AVEN: variants seen among roughly 807,000 people sequenced by gnomAD.
AVEN encodes the protein cell death regulator Aven.
AVEN carries 41 observed loss-of-function variants against 38.1 expected under a neutral mutation model. The ratio of observed to expected loss-of-function variants is 1.08; its 90% CI spans 0.84 to 1.40. The LOEUF is 1.40. Among genes scored for constraint, AVEN ranks in the 40% most tolerant of loss-of-function variants. The pLI, the probability that AVEN is intolerant of heterozygous loss-of-function variation, is 0.00. For missense variants in AVEN, 605 were observed against 438.8 expected (o/e 1.38, Z -3.38); for synonymous variants, 206 against 171.8 (o/e 1.20, Z -1.56).
At chr15:34,064,576 C>T in intron 4 of AVEN, 1 of 484,180 alleles carries the variant, frequency 2.1e-6, no homozygotes, top group South Asian at 3.0e-5. Flanking sequence ...GGGATAGGCT[C>T]ATGGCCCTTC....
chr15:34,017,771 A>G (rs1898005608), intron 1 of AVEN, among the ~76,000 whole-genome samples: 1 of 152,088 alleles, frequency 6.6e-6, no homozygotes, highest in Non-Finnish European at 1.5e-5. Context: ...TGAGCCACTG[A>G]GCCTGGCCAG....
intron 2 of AVEN, among the ~76,000 whole-genome samples, chr15:33,890,470 G>A (rs1597197998): frequency 6.6e-6 from 1 of 152,148 alleles, no homozygotes; most frequent in Non-Finnish European, 1.5e-5. Context: ...ATGAACATCA[G>A]TAGTCTATGT....
At chr15:33,968,099 T>TAAAAAAAAAAAAA (rs71119906) in intron 2 of AVEN, among the ~76,000 whole-genome samples, 2 of 25,850 alleles carry the variant, frequency 7.7e-5, no homozygotes, top group African/African-American at 2.1e-4. Flanking sequence ...TAGCAAAGCT[T>TAAAAAAAAAAAAA]AAAAAAAAAA....
At chr15:33,946,164 C>T (rs1398342776) in intron 2 of AVEN, among the ~76,000 whole-genome samples, 1 of 152,060 alleles carries the variant, frequency 6.6e-6, no homozygotes, top group Non-Finnish European at 1.5e-5. Context: ...CTCCCAAATA[C>T]TCAAATAAGT....
intron 5 of AVEN, among the ~76,000 whole-genome samples, chr15:34,045,701 TA>T (rs879353266): frequency 2.6e-3 from 352 of 137,910 alleles, no homozygotes; most frequent in African/African-American, 6.5e-3. Context: ...AAGCTTCTCA[TA>T]AAAAAAAAAA....
chr15:34,044,083 C>T (rs1349800886), upstream of AVEN, among the ~76,000 whole-genome samples: 1 of 150,054 alleles, frequency 6.7e-6, no homozygotes, highest in East Asian at 2.0e-4. Context: ...TATTTTCGCC[C>T]TTTAAAAAAA....
intron 2 of AVEN, among the ~76,000 whole-genome samples, chr15:33,978,006 AAGGG>A (rs139136537): frequency 0.017 from 2,335 of 137,302 alleles, 60 homozygotes; most frequent in African/African-American, 0.058. Flanking sequence ...GGAAGAGAGG[AAGGG>A]AGGGAGGGAG....
At chr15:33,958,537 G>A (rs1159098664) in intron 2 of AVEN, among the ~76,000 whole-genome samples, 1 of 149,498 alleles carries the variant, frequency 6.7e-6, no homozygotes, top group Non-Finnish European at 1.5e-5. Context: ...GTTACAGTGA[G>A]CCCAGATCAT....
chr15:33,989,116 GAAGTT>G (rs1896607373), intron 2 of AVEN, among the ~76,000 whole-genome samples: 1 of 151,684 alleles, frequency 6.6e-6, no homozygotes, highest in African/African-American at 2.4e-5. Flanking sequence ...TATAGTTGCA[GAAGTT>G]AAAATAGTTC....
At chr15:33,933,554 G>C (rs1381251307) in intron 2 of AVEN, among the ~76,000 whole-genome samples, 18 of 148,100 alleles carry the variant, frequency 1.2e-4, no homozygotes, top group African/African-American at 3.7e-4. Flanking sequence ...GAGAGAGAGA[G>C]AGAGAGAGAG....
chr15:33,883,119 G>C (rs1891560003), intron 2 of AVEN, among the ~76,000 whole-genome samples: 1 of 152,198 alleles, frequency 6.6e-6, no homozygotes. Context: ...GACAAGCGTA[G>C]TTGCTGAGGA....
intron 1 of AVEN, among the ~76,000 whole-genome samples, chr15:34,026,602 A>G (rs1319760246): frequency 6.6e-6 from 1 of 152,162 alleles, no homozygotes; most frequent in Non-Finnish European, 1.5e-5. Flanking sequence ...AAATTTTCCA[A>G]GGAATGATGA....
At chr15:33,989,804 C>T (rs1195115933) in intron 2 of AVEN, among the ~76,000 whole-genome samples, 7 of 151,594 alleles carry the variant, frequency 4.6e-5, no homozygotes, top group Non-Finnish European at 8.8e-5. Context: ...CAAAACCCAC[C>T]TAAAATTATC....
At chr15:33,904,472 T>C (rs1892604692) in intron 2 of AVEN, among the ~76,000 whole-genome samples, 1 of 152,056 alleles carries the variant, frequency 6.6e-6, no homozygotes, top group African/African-American at 2.4e-5. Context: ...AGTGCAGTGG[T>C]ATGATCTCAG....
chr15:33,868,528 G>A (rs1412752313), intron 4 of AVEN, among the ~76,000 whole-genome samples: 1 of 106,456 alleles, frequency 9.4e-6, no homozygotes, highest in Non-Finnish European at 1.7e-5. Flanking sequence ...CTGGGCAACA[G>A]AATGAGACTC....
intron 2 of AVEN, among the ~76,000 whole-genome samples, chr15:33,980,352 C>T (rs1032166568): frequency 6.6e-6 from 1 of 152,158 alleles, no homozygotes; most frequent in Non-Finnish European, 1.5e-5. Flanking sequence ...GACAAGACCT[C>T]AGTGCAACAG....
At chr15:33,960,880 C>T (rs926137890) in intron 2 of AVEN, among the ~76,000 whole-genome samples, 7 of 152,204 alleles carry the variant, frequency 4.6e-5, no homozygotes, top group African/African-American at 1.7e-4. Flanking sequence ...GTTTTAGGTG[C>T]TAAACTGTTT....
At chr15:33,941,962 C>A (rs1567425622) in intron 2 of AVEN, among the ~76,000 whole-genome samples, 1 of 152,144 alleles carries the variant, frequency 6.6e-6, no homozygotes, top group Non-Finnish European at 1.5e-5. Context: ...ACAGCCTGCC[C>A]TAAATTACAA....
Position 34,063,847 on chromosome 15 carries a change from T to G in AVEN, n.1127-415A>C, listed in dbSNP as rs149234550. 3.4e-4 allele frequency: 550 copies of G among 1,614,188 alleles called. No individual in the cohort carries two copies. Among genetic ancestry groups the G allele is most frequent in the Non-Finnish European group, 4.3e-4 (512 of 1,180,036 alleles). ...CATAGACCCAAGAGTCAGAAATGTG[T>G]GGCCTATAAGTTCCGATTGGTGGTA... On this transcript the variant is annotated intron_variant and non_coding_transcript_variant, in intron 4 of 11. Coordinates refer to the AVEN transcript ENST00000675287. This position sits in a 1 kb window ranked among gnomAD's most constrained non-coding sequence, Gnocchi z 4.1.
Sources: gnomAD v4.1 joint callset for allele counts (sites outside exome capture counted in the v4.1 genomes callset) on GRCh38, gnomAD v4.1.1 for gene constraint, Gnocchi (gnomAD v3.1) non-coding constraint, MANE v1.5 for transcripts, NCBI Gene and HGNC (gene_info 2026-07-23, HGNC 2026-07-21) for gene names.